The following ZNF136 variants were observed in gnomAD, a reference collection of about 807,000 sequenced individuals.
ZNF136 encodes zinc finger protein 136, also known as zinc finger protein 136 (clone pHZ-20).
Under a neutral mutation model 11.4 loss-of-function variants are expected in ZNF136, and 8 were observed. The observed-to-expected ratio is 0.70, with a 90% CI of 0.41 to 1.27. The LOEUF is 1.27. Ranked by LOEUF, ZNF136 falls within the 50% of genes most tolerant of loss-of-function variation. ZNF136 has a pLI of 0.01. For synonymous variants in ZNF136, 190 were observed against 207.1 expected (o/e 0.92, Z 0.71); for missense variants, 590 against 656.5 (o/e 0.90, Z 1.11).
chr19:12,167,542 A>G (rs1192950197), intron 1 of ZNF136, among the ~76,000 whole-genome samples: 2 of 152,218 alleles, frequency 1.3e-5, no homozygotes, highest in Admixed American at 6.5e-5. Context: ...CCTAGGCAAC[A>G]TTGCCAGACT....
At chr19:12,170,393 C>CTT (rs201586775) in intron 1 of ZNF136, among the ~76,000 whole-genome samples, 84 of 144,116 alleles carry the variant, frequency 5.8e-4, no homozygotes, top group Non-Finnish European at 1.0e-3. Flanking sequence ...TCATAAACTT[C>CTT]TTTTTTTTTT....
At position 12,189,230 on chromosome 19, in the gene ZNF136, T is replaced by C. The variant is rs1915195432; in HGVS notation, c.*1229T>C. 1.3e-5 allele frequency: 2 copies of C among 152,254 alleles called. No homozygotes were observed. The highest frequency in any genetic ancestry group is 1.3e-4 in the Admixed American group (2 of 15,274). The allele number at this position is 152,254 out of a possible 1,614,324, so 9.4% of individuals were successfully genotyped here. On this transcript the variant is annotated 3_prime_UTR_variant, in exon 4 of 4. Transcript: ENST00000343979. ...AGGACCACTGAAAAATAAGTCTTAA[T>C]AAATGTTGGTATGAACCTACTTGCT...
chr19:12,181,452 TTTTGTTTTGTTTTTGCA>T (rs2145638293), intron 1 of ZNF136, among the ~76,000 whole-genome samples: 1 of 151,970 alleles, frequency 6.6e-6, no homozygotes, highest in South Asian at 2.1e-4. Context: ...GGTTTTTTTG[TTTTGTTTTGTTTTTGCA>T]TTTGTTTTTG....
At chr19:12,168,807 C>A (rs769180380) in intron 1 of ZNF136, among the ~76,000 whole-genome samples, 1 of 152,048 alleles carries the variant, frequency 6.6e-6, no homozygotes, top group Non-Finnish European at 1.5e-5. Context: ...GCCCAAGTAG[C>A]TAGAATCACA....
At chr19:12,181,634 A>G (rs1914944867) in intron 1 of ZNF136, among the ~76,000 whole-genome samples, 1 of 151,450 alleles carries the variant, frequency 6.6e-6, no homozygotes, top group East Asian at 1.9e-4. Flanking sequence ...CACCACGCCC[A>G]GCTAATTTTT....
At chr19:12,173,018 A>T (rs1357448088) in intron 1 of ZNF136, among the ~76,000 whole-genome samples, 1 of 152,114 alleles carries the variant, frequency 6.6e-6, no homozygotes, top group Non-Finnish European at 1.5e-5. Flanking sequence ...CTCAAAAAAA[A>T]ACAAAAAAAT....
At chr19:12,168,349 C>G (rs1450589100) in intron 1 of ZNF136, among the ~76,000 whole-genome samples, 1 of 151,790 alleles carries the variant, frequency 6.6e-6, no homozygotes, top group Non-Finnish European at 1.5e-5. Flanking sequence ...GCTGGGATTA[C>G]AGGCATGAGC....
At chr19:12,182,452 C>T (rs895627554) in intron 1 of ZNF136, among the ~76,000 whole-genome samples, 8 of 152,220 alleles carry the variant, frequency 5.3e-5, no homozygotes, top group Non-Finnish European at 2.9e-5. Context: ...CATGTGGCCC[C>T]TCAGGGGAGC....
intron 1 of ZNF136, among the ~76,000 whole-genome samples, chr19:12,179,000 A>T (rs576197148): frequency 6.6e-6 from 1 of 152,076 alleles, no homozygotes; most frequent in Non-Finnish European, 1.5e-5. Flanking sequence ...CAAAAGAAAA[A>T]AAAGAAAGAA....
chr19:12,188,023 A>G lies in ZNF136; in HGVS notation c.*22A>G, dbSNP rs767274525. 1.1e-5 allele frequency: 16 copies of G among 1,479,576 alleles called. No individual in the cohort carries two copies. Among genetic ancestry groups the G allele is most frequent in the Middle Eastern group, 1.8e-4 (1 of 5,482 alleles). The allele number at this position is 1,479,576 out of a possible 1,614,324, so 91.7% of individuals were successfully genotyped here. A position where few individuals can be genotyped will look rare whatever the true frequency, so the allele number is the denominator to read the frequency against. On this transcript the variant is annotated 3_prime_UTR_variant, in exon 4 of 4. Transcript: ENST00000343979. ...TTAATGCTCTGGGTTCATGTCAGAT[A>G]CATTAAAATACTCACTGAAGAGAAG... is the stretch of plus-strand genomic sequence containing the variant.
chr19:12,178,209 T>C (rs1367285318), intron 1 of ZNF136, among the ~76,000 whole-genome samples: 2 of 152,246 alleles, frequency 1.3e-5, no homozygotes, highest in East Asian at 3.8e-4. Context: ...ATCAGATATA[T>C]GGTTTGCAAG....
Position 12,189,079 on chromosome 19 carries a change from T to C in ZNF136, c.*1078T>C, listed in dbSNP as rs1309017577. 6.6e-6 allele frequency: 1 copy of C among 152,250 alleles called. No individual in the cohort carries two copies. The highest frequency in any genetic ancestry group is 1.5e-5 in the Non-Finnish European group (1 of 68,042). The allele number at this position is 152,250 out of a possible 1,614,324, so 9.4% of individuals were successfully genotyped here. A position where few individuals can be genotyped will look rare whatever the true frequency, so the allele number is the denominator to read the frequency against. On this transcript the variant is annotated 3_prime_UTR_variant, in exon 4 of 4. Transcript: ENST00000343979. ...ATGAATTTCATAGGTAGTGTTGTTT[T>C]AGGTCAGTAAATAAAATATTTGTCT...
At chr19:12,180,612 T>C (rs780548200) in intron 1 of ZNF136, among the ~76,000 whole-genome samples, 24 of 152,146 alleles carry the variant, frequency 1.6e-4, no homozygotes, top group Non-Finnish European at 2.9e-4. Context: ...AGTGAAGAAA[T>C]GTCACCATCG....
chr19:12,187,569 T>A lies in ZNF136; in HGVS notation c.1191T>A (p.Cys397Ter). The A allele has an allele frequency of 6.2e-7, 1 of 1,614,158 alleles. No individual in the cohort carries two copies. Among genetic ancestry groups the A allele is most frequent in the Non-Finnish European group, 8.5e-7 (1 of 1,180,010 alleles). The change falls in exon 4 of 4, where the codon TGT becomes TGA. Residue 397 changes from cysteine (C) to a stop codon, truncating the protein, a stop_gained. Coordinates refer to ENST00000343979, the MANE Select transcript of ZNF136 (RefSeq NM_003437.5). LOFTEE classifies it low-confidence loss of function (END_TRUNC). ...TGEGPYKCKV[C>*]GKPFHSLSPF... ...AAGGACCTTATAAATGTAAGGTATG[T>A]GGGAAACCCTTTCATTCTCTGAGTC...
At chr19:12,181,008 G>A (rs775566126) in intron 1 of ZNF136, among the ~76,000 whole-genome samples, 4 of 152,186 alleles carry the variant, frequency 2.6e-5, no homozygotes, top group Non-Finnish European at 4.4e-5. Flanking sequence ...CCAATCAGGC[G>A]CGCCTCAGAG....
At chr19:12,172,882 C>G (rs1014611254) in intron 1 of ZNF136, among the ~76,000 whole-genome samples, 1 of 151,976 alleles carries the variant, frequency 6.6e-6, no homozygotes, top group Non-Finnish European at 1.5e-5. Flanking sequence ...TGTGATGGTG[C>G]GTGCCTGTAA....
rs1215446425 is a variant in ZNF136 at position 12,188,086 on chromosome 19, C to A, written c.*85C>A. The A allele has an allele frequency of 2.5e-6, 3 of 1,183,204 alleles. No individual in the cohort carries two copies. The highest frequency in any genetic ancestry group is 3.4e-6 in the Non-Finnish European group (3 of 881,588). The allele number at this position is 1,183,204 out of a possible 1,614,324, so 73.3% of individuals were successfully genotyped here. A position where few individuals can be genotyped will look rare whatever the true frequency, so the allele number is the denominator to read the frequency against. On this transcript the variant is annotated 3_prime_UTR_variant, in exon 4 of 4. Coordinates refer to ENST00000343979, the MANE Select transcript of ZNF136 (RefSeq NM_003437.5). ...AAGTAACGTGGGAAAGCATGAAATT[C>A]TGTCAGTGCCTTTTTTAATACATGA...
At chr19:12,178,888 C>G (rs935374116) in intron 1 of ZNF136, among the ~76,000 whole-genome samples, 3 of 151,728 alleles carry the variant, frequency 2.0e-5, no homozygotes, top group Non-Finnish European at 4.4e-5. Context: ...ACTCGGGAGG[C>G]TGAGGCAGGA....
intron 1 of ZNF136, among the ~76,000 whole-genome samples, chr19:12,178,649 G>A (rs1005510599): frequency 1.3e-5 from 2 of 152,124 alleles, no homozygotes; most frequent in Non-Finnish European, 2.9e-5. Flanking sequence ...TCATGGATCA[G>A]ATCAACTTTA....
Sources: gnomAD v4.1 joint callset for allele counts (sites outside exome capture counted in the v4.1 genomes callset) on GRCh38, gnomAD v4.1.1 for gene constraint, MANE v1.5 for transcripts, NCBI Gene and HGNC (gene_info 2026-07-23, HGNC 2026-07-21) for gene names.